SDF2: variants seen among roughly 807,000 people sequenced by gnomAD.
The protein encoded by SDF2 is stromal cell-derived factor 2.
A neutral mutation model predicts 20.5 loss-of-function variants in SDF2; 12 were observed. The ratio of observed to expected loss-of-function variants is 0.58; its 90% confidence interval spans 0.37 to 0.95. SDF2 has a LOEUF of 0.95. SDF2 is among the 40% of genes least tolerant of loss of function. SDF2 has a pLI of 0.01. For synonymous variants in SDF2, 100 were observed against 101.0 expected (o/e 0.99, Z 0.06); for missense variants, 238 against 263.1 (o/e 0.90, Z 0.66).
rs1307658006 is a variant in SDF2 at position 28,661,715 on chromosome 17, C to G, written c.151+11G>C. The G allele has an allele frequency of 6.2e-7, 1 of 1,607,076 alleles. No homozygotes were observed. ...CTCCCTAGCCCACCCGAGCCCGGTC[C>G]CCAGCATTACCTGACCCATAGCGCA... On this transcript the variant is annotated intron_variant, in intron 1 of 2. Transcript: ENST00000247020.
chr17:28,661,043 C>A, intron 1 of SDF2: 1 of 378,806 alleles, frequency 2.6e-6, no homozygotes, highest in South Asian at 2.0e-5. Context: ...CTGAATGAAT[C>A]CACAAATAAT....
chr17:28,654,994 G>GTGGCA (rs957400631), intron 2 of SDF2, among the ~76,000 whole-genome samples: 8 of 151,938 alleles, frequency 5.3e-5, no homozygotes, highest in African/African-American at 1.9e-4. Flanking sequence ...GCCAGGCATG[G>GTGGCA]TGGCATGCGC....
chr17:28,652,181 T>A (rs1209108725), intron 2 of SDF2, among the ~76,000 whole-genome samples: 3 of 146,306 alleles, frequency 2.1e-5, no homozygotes, highest in African/African-American at 7.6e-5. Context: ...GAACCCATCT[T>A]AAAAAAAAAA....
chr17:28,655,031 G>C (rs2071947782), intron 2 of SDF2, among the ~76,000 whole-genome samples: 1 of 152,124 alleles, frequency 6.6e-6, no homozygotes, highest in Non-Finnish European at 1.5e-5. Flanking sequence ...TTGGGAGACT[G>C]AGGCAGGAGA....
At chr17:28,654,712 G>T (rs895598838) in intron 2 of SDF2, among the ~76,000 whole-genome samples, 19 of 152,124 alleles carry the variant, frequency 1.2e-4, no homozygotes, top group Admixed American at 7.9e-4. Context: ...AGCACTTTGG[G>T]AGGCCGAAGT....
intron 1 of SDF2, chr17:28,656,296 A>C (rs986196754): frequency 6.6e-6 from 1 of 152,048 alleles, no homozygotes; most frequent in East Asian, 1.9e-4. Flanking sequence ...TAAAAAAAAA[A>C]TTTTTTAGGC....
intron 2 of SDF2, chr17:28,651,720 T>G (rs946520926): frequency 6.6e-6 from 1 of 152,204 alleles, no homozygotes; most frequent in Admixed American, 6.5e-5. Context: ...CCATCTTCCT[T>G]AAGGCCAAAT....
intron 2 of SDF2, among the ~76,000 whole-genome samples, chr17:28,650,014 G>A (rs1425851096): frequency 2.6e-5 from 4 of 151,740 alleles, no homozygotes; most frequent in African/African-American, 9.7e-5. Flanking sequence ...GTGCAATGGC[G>A]CAATCTCGGC....
In SDF2 at chr17:28,655,338, A is replaced by G. The variant is rs752008136; in HGVS notation, c.297T>C (p.Thr99=). 3 of 1,614,144 alleles carry G rather than the reference A, an allele frequency of 1.9e-6. No homozygotes were observed. The African/African-American group carries it at 4.0e-5, about 22-fold the overall frequency. The change falls in exon 2 of 3, where the codon ACT becomes ACC. Residue 99 remains threonine, a synonymous_variant. Coordinates refer to ENST00000247020, the MANE Select transcript of SDF2 (RefSeq NM_006923.4). ...GQPIRLTHVN[T]GRNLHSHHFT... ...AGTGGTGACTATGGAGGTTTCGGCC[A>G]GTGTTGACATGTGTCAGCCGGATGG...
intron 1 of SDF2, among the ~76,000 whole-genome samples, chr17:28,656,662 A>C (rs1051531620): frequency 1.3e-5 from 2 of 152,228 alleles, no homozygotes; most frequent in African/African-American, 4.8e-5. Flanking sequence ...AGGGTATGTC[A>C]TATCAGAAAA....
rs1240110348 is a variant in SDF2, at chr17:28,655,637, C to T, written c.152-154G>A. The stretch of plus-strand genomic sequence containing the variant: ...GCTGGAGGTGTAATGGATATTAATA[C>T]TGCTCTACAAGAGACTGAAGACCGC... On this transcript the variant is annotated intron_variant, in intron 1 of 2. Coordinates refer to ENST00000247020, the MANE Select transcript of SDF2 (RefSeq NM_006923.4). The T allele has an allele frequency of 7.1e-6, 5 of 700,676 alleles. No individual in the cohort carries two copies. In the Admixed American group the frequency reaches 7.6e-5, roughly 11 times the overall value. The allele number at this position is 700,676 out of a possible 1,614,324, so 43.4% of individuals were successfully genotyped here. A position where few individuals can be genotyped will look rare whatever the true frequency, so the allele number is the denominator to read the frequency against.
chr17:28,661,379 G>T (rs2072038494), intron 1 of SDF2, among the ~76,000 whole-genome samples: 1 of 152,156 alleles, frequency 6.6e-6, no homozygotes, highest in Admixed American at 6.5e-5. Flanking sequence ...ATAGAACCCC[G>T]ACTTTGTCAT....
chr17:28,660,875 CTTTT>C, intron 1 of SDF2: 1 of 164,612 alleles, frequency 6.1e-6, no homozygotes, highest in Non-Finnish European at 1.3e-5. Flanking sequence ...GACCTTCATT[CTTTT>C]TTTTTAACTT....
At chr17:28,659,708 C>G (rs1255727856) in intron 1 of SDF2, among the ~76,000 whole-genome samples, 1 of 150,298 alleles carries the variant, frequency 6.7e-6, no homozygotes, top group Admixed American at 6.6e-5. Context: ...GTGCTCCTCA[C>G]TTCCCAGACG....
intron 1 of SDF2, among the ~76,000 whole-genome samples, chr17:28,657,589 G>GT (rs2071975681): frequency 6.6e-6 from 1 of 151,830 alleles, no homozygotes; most frequent in Admixed American, 6.6e-5. Context: ...GTAGAGATGG[G>GT]TTTTTGCCAT....
rs766171192 is a variant in SDF2 at position 28,661,849 on chromosome 17, C to G, written c.28G>C (p.Gly10Arg). MAVVPLLLL[G>R]GLWSAVGASS... The stretch of plus-strand genomic sequence containing the variant: ...GCTCCCACAGCGCTCCACAAACCCC[C>G]CAACAACAGCAGAGGTACTACAGCC... Residue 10 changes from glycine to arginine, a missense_variant, in exon 1 of 3, where the codon GGG becomes CGG. Transcript: ENST00000247020. 1 of 1,614,006 alleles carries G rather than the reference C, an allele frequency of 6.2e-7. No homozygotes were observed. The highest frequency in any genetic ancestry group is 8.5e-7 in the Non-Finnish European group (1 of 1,179,892).
intron 1 of SDF2, among the ~76,000 whole-genome samples, chr17:28,657,217 ACT>A (rs1249825363): frequency 6.6e-6 from 1 of 151,762 alleles, no homozygotes; most frequent in Non-Finnish European, 1.5e-5. Flanking sequence ...GCAGGGCAAG[ACT>A]CTGTCTCAAA....
At chr17:28,649,945 A>T (rs987788466) in intron 2 of SDF2, among the ~76,000 whole-genome samples, 13 of 148,488 alleles carry the variant, frequency 8.8e-5, no homozygotes, top group South Asian at 2.1e-4. Context: ...TTGTTATTTT[A>T]TTTATTTATT....
chr17:28,651,528 C>G (rs542794063), intron 2 of SDF2: 3 of 152,160 alleles, frequency 2.0e-5, no homozygotes, highest in Non-Finnish European at 2.9e-5. Flanking sequence ...ATCCTTTGAG[C>G]CTTTGTTTTC....
Sources: gnomAD v4.1 joint callset for allele counts (sites outside exome capture counted in the v4.1 genomes callset) on GRCh38, gnomAD v4.1.1 for gene constraint, MANE v1.5 for transcripts, NCBI Gene and HGNC (gene_info 2026-07-23, HGNC 2026-07-21) for gene names.